ADAMTSL3: variants seen among roughly 807,000 people sequenced by gnomAD.
ADAMTSL3 encodes the protein ADAMTS-like protein 3.
Under a neutral mutation model 201.7 loss-of-function variants are expected in ADAMTSL3, and 128 were observed. The ratio of observed to expected loss-of-function variants is 0.63; its 90% CI spans 0.55 to 0.73. The LOEUF (loss-of-function observed/expected upper bound fraction) is 0.73, where lower values mean the gene tolerates loss of function less well. Among genes scored for constraint, ADAMTSL3 ranks in the 30% least tolerant of loss-of-function variants. The pLI, the probability that ADAMTSL3 is intolerant of heterozygous loss-of-function variation, is 0.00. For missense variants in ADAMTSL3, 1,990 were observed against 2,119.6 expected, an observed-to-expected ratio of 0.94 and a Z score of 1.20; for synonymous variants, 738 against 748.4, an observed-to-expected ratio of 0.99 and a Z score of 0.23.
chr15:83,881,857 A>G (rs1057425499), intron 9 of ADAMTSL3, among the ~76,000 whole-genome samples: 3 of 150,156 alleles, frequency 2.0e-5, no homozygotes, highest in African/African-American at 7.4e-5. Flanking sequence ...TCCCTCTCAA[A>G]AAAAGAAAAA....
At chr15:84,022,183 A>G (rs1469098801) in intron 26 of ADAMTSL3, among the ~76,000 whole-genome samples, 2 of 151,712 alleles carry the variant, frequency 1.3e-5, no homozygotes, top group Non-Finnish European at 2.9e-5. Flanking sequence ...TCTCACTTCC[A>G]TCCATTCTTG....
At chr15:83,946,788 C>T (rs2066662758) in intron 19 of ADAMTSL3, among the ~76,000 whole-genome samples, 1 of 152,162 alleles carries the variant, frequency 6.6e-6, no homozygotes, top group Admixed American at 6.5e-5. Context: ...GGACTGGAGG[C>T]TGTTTAGTTT....
intron 23 of ADAMTSL3, among the ~76,000 whole-genome samples, chr15:83,999,030 A>T (rs2067740558): frequency 6.6e-6 from 1 of 152,248 alleles, no homozygotes; most frequent in South Asian, 2.1e-4. Flanking sequence ...CATAAAAAGT[A>T]ACACATCTCA....
At chr15:83,998,165 A>G (rs969708224) in intron 23 of ADAMTSL3, among the ~76,000 whole-genome samples, 1 of 152,210 alleles carries the variant, frequency 6.6e-6, no homozygotes, top group African/African-American at 2.4e-5. Context: ...GTTGTAGTAA[A>G]AAGAAAGGAA....
intron 19 of ADAMTSL3, among the ~76,000 whole-genome samples, chr15:83,948,638 T>TA (rs1174579504): frequency 6.6e-6 from 1 of 152,184 alleles, no homozygotes; most frequent in African/African-American, 2.4e-5. Flanking sequence ...TGGGTGAAGA[T>TA]ACATTCTATG....
chr15:83,847,094 A>G (rs12591597), intron 7 of ADAMTSL3, among the ~76,000 whole-genome samples: 7,141 of 152,248 alleles, frequency 0.047, 229 homozygotes, highest in East Asian at 0.2. Context: ...GGCTGAAGAT[A>G]CTCATTTGCA....
In ADAMTSL3 at chr15:83,995,860, T is replaced by G. The variant is rs2067677810; in HGVS notation, c.3973+4646T>G. Among the ~76,000 whole-genome samples, 3 of 152,172 alleles carry G rather than the reference T, an allele frequency of 2.0e-5. No homozygotes were observed. The South Asian group carries it at 6.2e-4, about 32-fold the overall frequency. ...ATAACAAGGTGGGTGAGATTTGCTC[T>G]ATCAAATATAAAGACTTAGCATAAA... On this transcript the variant is annotated intron_variant, in intron 23 of 29. Transcript: ENST00000286744.
At position 83,831,081 on chromosome 15, in the gene ADAMTSL3, T is replaced by G. The variant is rs550514636; in HGVS notation, c.601-7008T>G. 2.6e-5 allele frequency among the ~76,000 whole-genome samples: 4 copies of G among 152,300 alleles called. No homozygotes were observed. In the East Asian group the frequency reaches 7.7e-4, roughly 29 times the overall value. On this transcript the variant is annotated intron_variant, in intron 6 of 29. Transcript: ENST00000286744. Reference sequence around the variant, plus strand: ...AGGGGACAGATTTTTGTGCCAATGATTTTTGGTGTTCCTTGCTTGTGGAAG... The same window carrying G: ...AGGGGACAGATTTTTGTGCCAATGAGTTTTGGTGTTCCTTGCTTGTGGAAG...
At chr15:83,933,055 C>G (rs923481735) in intron 17 of ADAMTSL3, among the ~76,000 whole-genome samples, 4 of 151,990 alleles carry the variant, frequency 2.6e-5, no homozygotes, top group Non-Finnish European at 5.9e-5. Context: ...TCTATTTGGT[C>G]AAAAATGGTC....
At chr15:83,741,368 A>T (rs12591393) in intron 3 of ADAMTSL3, among the ~76,000 whole-genome samples, 13,485 of 152,108 alleles carry the variant, frequency 0.089, 776 homozygotes, top group East Asian at 0.28. Flanking sequence ...TTAAAAAGTC[A>T]GTCATTAACA....
chr15:83,836,410 T>C (rs1247580680), intron 6 of ADAMTSL3, among the ~76,000 whole-genome samples: 2 of 152,250 alleles, frequency 1.3e-5, no homozygotes, highest in Non-Finnish European at 2.9e-5. Flanking sequence ...AGCTATTCTC[T>C]AAACTTCCTT....
chr15:83,880,052 C>A (rs1201753773), intron 9 of ADAMTSL3, among the ~76,000 whole-genome samples: 1 of 152,018 alleles, frequency 6.6e-6, no homozygotes, highest in East Asian at 1.9e-4. Flanking sequence ...CCTTTTTCTT[C>A]ATCTGCTTTT....
chr15:83,963,064 A>G (rs1024826126), intron 19 of ADAMTSL3, among the ~76,000 whole-genome samples: 4 of 152,282 alleles, frequency 2.6e-5, no homozygotes, highest in East Asian at 1.9e-4. Flanking sequence ...ACCAGGGCCC[A>G]TGGGTTTCAA....
At chr15:83,740,241 A>G (rs1255804885) in intron 3 of ADAMTSL3, 1 of 161,138 alleles carries the variant, frequency 6.2e-6, no homozygotes, top group African/African-American at 2.4e-5. Flanking sequence ...TGGAACACTT[A>G]CAAATATTGA....
intron 3 of ADAMTSL3, among the ~76,000 whole-genome samples, chr15:83,738,706 CA>C (rs2062406437): frequency 6.6e-6 from 1 of 151,664 alleles, no homozygotes; most frequent in Non-Finnish European, 1.5e-5. Flanking sequence ...CCAGCCTGGC[CA>C]ACATGGTGAA....
rs2061817946 is a variant in ADAMTSL3 at position 83,704,304 on chromosome 15, T to C, written c.70-85T>C. Reference sequence around the variant, plus strand: ...CTTGGTACAGCTATTAATGGTGGATTCTCCTGGAATGGCCTTCTTGGACTT... The same window carrying C: ...CTTGGTACAGCTATTAATGGTGGATCCTCCTGGAATGGCCTTCTTGGACTT... On this transcript the variant is annotated intron_variant, in intron 2 of 29. Coordinates refer to ENST00000286744, the MANE Select transcript of ADAMTSL3 (RefSeq NM_207517.3). 3 of 1,579,410 alleles carry C rather than the reference T, an allele frequency of 1.9e-6. No individual in the cohort carries two copies. In the East Asian group the frequency reaches 6.7e-5, roughly 35 times the overall value.
At chr15:83,773,239 C>G (rs992216684) in intron 3 of ADAMTSL3, among the ~76,000 whole-genome samples, 3 of 152,042 alleles carry the variant, frequency 2.0e-5, no homozygotes, top group Non-Finnish European at 4.4e-5. Context: ...TGGCAAAACC[C>G]TGTCTCTACT....
chr15:83,953,239 A>C (rs2142068744), intron 19 of ADAMTSL3, among the ~76,000 whole-genome samples: 1 of 151,840 alleles, frequency 6.6e-6, no homozygotes, highest in East Asian at 1.9e-4. Flanking sequence ...TCTTTTTAGT[A>C]CAGGTGATTT....
At chr15:83,988,390 G>A (rs1050638594) in intron 21 of ADAMTSL3, among the ~76,000 whole-genome samples, 1 of 152,186 alleles carries the variant, frequency 6.6e-6, no homozygotes, top group Non-Finnish European at 1.5e-5. Flanking sequence ...TTAAAATGTG[G>A]CAGATTAAGC....
Sources: allele counts gnomAD v4.1 joint callset (sites outside exome capture counted in the v4.1 genomes callset), GRCh38; gene constraint gnomAD v4.1.1; transcripts MANE v1.5; gene names NCBI Gene and HGNC (gene_info 2026-07-23, HGNC 2026-07-21).